Variants in KPNA7 observed in about 807,000 individuals in gnomAD.
KPNA7 encodes the protein karyopherin subunit alpha 7, also known as importin subunit alpha-8.
KPNA7 carries 54 observed loss-of-function variants against 53.7 expected under a neutral mutation model. The ratio of observed to expected loss-of-function variants is 1.01; its 90% confidence interval spans 0.81 to 1.26. The LOEUF (loss-of-function observed/expected upper bound fraction) is 1.26. KPNA7 is among the 50% of genes most tolerant of loss of function. The pLI is 0.00. For missense variants in KPNA7, 640 were observed against 644.5 expected (o/e 0.99, Z 0.07); for synonymous variants, 276 against 259.3 (o/e 1.06, Z -0.62).
chr7:99,176,790 G>A (rs1426981549), intron 10 of KPNA7, among the ~76,000 whole-genome samples: 1 of 152,090 alleles, frequency 6.6e-6, no homozygotes, highest in Non-Finnish European at 1.5e-5. Flanking sequence ...GAGGTGGGAG[G>A]ATTGCTTGAG....
chr7:99,181,801 C>T lies in KPNA7; in HGVS notation c.1317+82G>A, dbSNP rs1307827505. On this transcript the variant is annotated intron_variant, in intron 9 of 10. Transcript: ENST00000327442. ...CCTGTCTCAGCCTCCCAAAGTACAA[C>T]TTGAATTTTAAGAGCCACATTAAAT... is the stretch of plus-strand genomic sequence containing the variant. The T allele has an allele frequency of 5.6e-6, 7 of 1,256,762 alleles. No individual in the cohort carries two copies. In the East Asian group the frequency reaches 2.0e-4, roughly 36 times the overall value. 77.9% of individuals were successfully genotyped at this position (1,256,762 alleles called of 1,614,324 possible). A position where few individuals can be genotyped will look rare whatever the true frequency, so the allele number is the denominator to read the frequency against.
chr7:99,146,729 A>C, the KPNA7 span, among the ~76,000 whole-genome samples: 1 of 132,366 alleles, frequency 7.6e-6, no homozygotes, highest in African/African-American at 3.1e-5. Flanking sequence ...AAAAAAAAAA[A>C]AAAAAAAAAA....
At chr7:99,191,227 G>A (rs1002935677) in intron 6 of KPNA7, among the ~76,000 whole-genome samples, 13 of 150,718 alleles carry the variant, frequency 8.6e-5, no homozygotes, top group Non-Finnish European at 1.2e-4. Context: ...GCACAATCTC[G>A]GCTCACTGCA....
At chr7:99,172,615 C>CTT (rs1328484252), downstream of KPNA7, among the ~76,000 whole-genome samples, 2 of 152,112 alleles carry the variant, frequency 1.3e-5, no homozygotes, top group Non-Finnish European at 2.9e-5. Context: ...CACACGCACT[C>CTT]TCTTTCTTTC....
At chr7:99,161,886 G>A in the KPNA7 span, among the ~76,000 whole-genome samples, 1 of 152,078 alleles carries the variant, frequency 6.6e-6, no homozygotes, top group African/African-American at 2.4e-5. Context: ...GAGTAGAACT[G>A]ACCCCAGGGC....
downstream of KPNA7, among the ~76,000 whole-genome samples, chr7:99,172,368 T>TC (rs1385213244): frequency 6.6e-6 from 1 of 152,176 alleles, no homozygotes; most frequent in Non-Finnish European, 1.5e-5. Flanking sequence ...GTACATTGTA[T>TC]CAAAGTTCAT....
Position 99,182,049 on chromosome 7 carries a change from T to G in KPNA7, c.1151A>C (p.Gln384Pro). 1 of 1,537,938 alleles carries G rather than the reference T, an allele frequency of 6.5e-7. No individual in the cohort carries two copies. Among genetic ancestry groups the G allele is most frequent in the Non-Finnish European group, 8.8e-7 (1 of 1,137,200 alleles). Residue 384 changes from glutamine (Q) to proline (P), a missense_variant, in exon 9 of 11, where the codon CAG becomes CCG. Physicochemically the swap from Gln to Pro is moderately conservative, Grantham distance 76. Coordinates refer to ENST00000327442, the MANE Select transcript of KPNA7 (RefSeq NM_001145715.3). ...CGCCACCATCCAGACAGCCTCTTTC[T>G]GGACTTTAAATTCTCCCTGCAGAAC... ...ALLKNGEFKV[Q>P]KEAVWMVANF...
the KPNA7 span, among the ~76,000 whole-genome samples, chr7:99,160,031 T>TG: frequency 8.4e-4 from 120 of 142,816 alleles, 2 homozygotes; most frequent in East Asian, 7.0e-3. Context: ...TTTTTTTTTT[T>TG]TTTTTTTTTT....
At chr7:99,214,933 TCA>T (rs1345790513) in intron 1 of KPNA7, among the ~76,000 whole-genome samples, 1 of 152,002 alleles carries the variant, frequency 6.6e-6, no homozygotes, top group African/African-American at 2.4e-5. Context: ...CACAATTATC[TCA>T]GTTAATGAGA....
downstream of KPNA7, among the ~76,000 whole-genome samples, chr7:99,169,507 C>T (rs1004009415): frequency 6.6e-5 from 10 of 151,852 alleles, no homozygotes; most frequent in Admixed American, 5.3e-4. Context: ...GTAATCTCAG[C>T]CACTCAGGAG....
chr7:99,212,887 AAAAAG>A (rs1189496529), upstream of KPNA7, among the ~76,000 whole-genome samples: 4 of 151,828 alleles, frequency 2.6e-5, no homozygotes, highest in East Asian at 3.9e-4. Flanking sequence ...ACCCTGTCTC[AAAAAG>A]AAAAGAAAAA....
At chr7:99,185,572 G>C (rs889504905) in intron 7 of KPNA7, among the ~76,000 whole-genome samples, 1 of 151,970 alleles carries the variant, frequency 6.6e-6, no homozygotes, top group African/African-American at 2.4e-5. Context: ...GGTCTCAAGT[G>C]ATCCTGCCTT....
chr7:99,170,250 A>G (rs1798747720), downstream of KPNA7, among the ~76,000 whole-genome samples: 1 of 152,202 alleles, frequency 6.6e-6, no homozygotes, highest in African/African-American at 2.4e-5. Flanking sequence ...CCCAAGAATC[A>G]ATGCATAAAC....
At chr7:99,181,760 G>T in intron 9 of KPNA7, 123 bp downstream of exon 9, 1 of 823,520 alleles carries the variant, frequency 1.2e-6, no homozygotes, top group Non-Finnish European at 1.8e-6. Flanking sequence ...TCAAATTCCT[G>T]ACCTCAGGTG....
chr7:99,184,892 G>A (rs1020626947), intron 8 of KPNA7, 37 bp downstream of exon 8: 5 of 1,509,000 alleles, frequency 3.3e-6, no homozygotes, highest in Admixed American at 3.9e-5. Context: ...CTATTGGAAA[G>A]TAGTCCTTTG....
At chr7:99,161,362 A>G in the KPNA7 span, among the ~76,000 whole-genome samples, 1 of 152,094 alleles carries the variant, frequency 6.6e-6, no homozygotes, top group Admixed American at 6.6e-5. Flanking sequence ...TGAAATATCC[A>G]GCCATCAGCC....
At chr7:99,182,209 A>AG (rs752194163) in intron 8 of KPNA7, 144 bp from the exon 9 acceptor site, 2 of 590,522 alleles carry the variant, frequency 3.4e-6, no homozygotes, top group Non-Finnish European at 5.8e-6. Context: ...ACCTGCCTCT[A>AG]GCTCTTTCTT....
intron 1 of KPNA7, among the ~76,000 whole-genome samples, chr7:99,216,248 C>T (rs988963841): frequency 3.9e-5 from 6 of 152,046 alleles, no homozygotes; most frequent in Non-Finnish European, 4.4e-5. Flanking sequence ...AGGCTTGTCT[C>T]GAAGTCCTGG....
chr7:99,190,750 C>T (rs1398329417), intron 6 of KPNA7, among the ~76,000 whole-genome samples: 7 of 151,026 alleles, frequency 4.6e-5, no homozygotes, highest in African/African-American at 1.5e-4. Context: ...CAAACTCAAG[C>T]GATCCTCTCG....
Sources: allele counts gnomAD v4.1 joint callset (sites outside exome capture counted in the v4.1 genomes callset), GRCh38; gene constraint gnomAD v4.1.1; transcripts MANE v1.5; gene names NCBI Gene and HGNC (gene_info 2026-07-23, HGNC 2026-07-21).